Variants in PRRC2B observed in about 807,000 individuals in gnomAD.
PRRC2B encodes the protein protein PRRC2B.
A neutral mutation model predicts 242.3 loss-of-function variants in PRRC2B; 68 were observed. The ratio of observed to expected loss-of-function variants is 0.28; its 90% CI spans 0.23 to 0.34. The LOEUF (loss-of-function observed/expected upper bound fraction) is 0.34, where lower values mean the gene tolerates loss of function less well. Ranked by LOEUF, PRRC2B falls within the 10% of genes least tolerant of loss-of-function variation. The pLI is 1.00. For missense variants in PRRC2B, 2,835 were observed against 2,954.8 expected, an observed-to-expected ratio of 0.96 and a Z score of 0.94; for synonymous variants, 1,228 against 1,173.6, an observed-to-expected ratio of 1.05 and a Z score of -0.95.
chr9:131,488,171 C>T lies in PRRC2B; in HGVS notation c.6225+75C>T, dbSNP rs181811480. On this transcript the variant is annotated intron_variant, in intron 28 of 31. Coordinates refer to ENST00000683519, the MANE Select transcript of PRRC2B (RefSeq NM_013318.4). ...GACCTTGCCTTTTCTTTTCACCCGC[C>T]TCTCAGTGTGTGCTGGCCTATCGTG... 4.7e-3 allele frequency: 7,217 copies of T among 1,520,870 alleles called. 16 individuals are homozygous for T. The highest frequency in any genetic ancestry group is 5.7e-3 in the Non-Finnish European group (6,513 of 1,132,722). 94.2% of individuals were successfully genotyped at this position (1,520,870 alleles called of 1,614,324 possible). A position where few individuals can be genotyped will look rare whatever the true frequency, so the allele number is the denominator to read the frequency against.
rs375395897 is a variant in PRRC2B at position 131,424,624 on chromosome 9, T to C, written c.-51-5470T>C. Among the ~76,000 whole-genome samples the C allele has an allele frequency of 5.3e-5, 8 of 152,114 alleles. No homozygotes were observed. The East Asian group carries it at 1.4e-3, about 26-fold the overall frequency. On this transcript the variant is annotated intron_variant, in intron 1 of 31. Coordinates refer to ENST00000683519, the MANE Select transcript of PRRC2B (RefSeq NM_013318.4). ...TCACTTGAACCTGGGAGGCAGAGGT[T>C]ATAGTGAGCCAAGATTGTGCCACTG...
At chr9:131,394,532 G>T (rs1487014446) in intron 1 of PRRC2B, among the ~76,000 whole-genome samples, 2 of 148,854 alleles carry the variant, frequency 1.3e-5, no homozygotes, top group Non-Finnish European at 3.0e-5. Flanking sequence ...CCTCAGGCTC[G>T]GGCGGGGTCC....
intron 1 of PRRC2B, among the ~76,000 whole-genome samples, chr9:131,380,337 C>T (rs943226943): frequency 3.3e-5 from 5 of 151,838 alleles, no homozygotes; most frequent in Admixed American, 6.6e-5. Flanking sequence ...CAGCACTTTG[C>T]GAGGCCGAGG....
intron 1 of PRRC2B, among the ~76,000 whole-genome samples, chr9:131,381,568 G>A (rs764189014): frequency 6.6e-6 from 1 of 150,574 alleles, no homozygotes; most frequent in Non-Finnish European, 1.5e-5. Context: ...ACAGGAGCTC[G>A]CCACCATGCC....
chr9:131,392,705 G>A (rs1836922491), upstream of PRRC2B, among the ~76,000 whole-genome samples: 1 of 152,044 alleles, frequency 6.6e-6, no homozygotes, highest in Admixed American at 6.6e-5. Flanking sequence ...TTTAGCGCAG[G>A]AGTTCCAGAC....
chr9:131,403,363 T>TA lies in PRRC2B; in HGVS notation c.-52+9100_-52+9101insA, dbSNP rs113749078. Among the ~76,000 whole-genome samples the TA allele has an allele frequency of 6.8e-3, 1,039 of 152,226 alleles. 11 individuals are homozygous for TA. The highest frequency in any genetic ancestry group is 0.022 in the African/African-American group (917 of 41,514). On this transcript the variant is annotated intron_variant, in intron 1 of 31. Transcript: ENST00000683519. The stretch of plus-strand genomic sequence containing the variant: ...AGGTTATTTTATTTATTTATTTATT[T>TA]TTTTTTGAGGTGGAGTCTTGCTCTG...
chr9:131,458,096 G>A (rs562001528), intron 10 of PRRC2B, among the ~76,000 whole-genome samples: 2 of 152,114 alleles, frequency 1.3e-5, no homozygotes, highest in African/African-American at 4.8e-5. Flanking sequence ...CACCCCTGCA[G>A]CTCTGTTTGG....
intron 1 of PRRC2B, among the ~76,000 whole-genome samples, chr9:131,420,418 C>G (rs1249520285): frequency 6.8e-6 from 1 of 146,072 alleles, no homozygotes; most frequent in Non-Finnish European, 1.5e-5. Context: ...TCTTTGAAAG[C>G]CACCTCTGCT....
At chr9:131,401,741 G>A (rs1484256021) in intron 1 of PRRC2B, among the ~76,000 whole-genome samples, 1 of 145,552 alleles carries the variant, frequency 6.9e-6, no homozygotes. Flanking sequence ...GCTCACTGCA[G>A]CCTCTGCTTC....
intron 28 of PRRC2B, among the ~76,000 whole-genome samples, chr9:131,490,066 C>G (rs1257435429): frequency 2.6e-5 from 4 of 152,162 alleles, no homozygotes; most frequent in Non-Finnish European, 5.9e-5. Context: ...ACATCTTTAG[C>G]TCAGATCTGT....
At chr9:131,452,629 A>G (rs199819663) in intron 9 of PRRC2B, among the ~76,000 whole-genome samples, 2 of 120,996 alleles carry the variant, frequency 1.7e-5, no homozygotes, top group Admixed American at 8.6e-5. Flanking sequence ...GAATTGTTTT[A>G]TTAATCTTTA....
At position 131,430,326 on chromosome 9, in the gene PRRC2B, G is replaced by A. The variant is rs561113152; in HGVS notation, c.115+67G>A. 78 of 962,976 alleles carry A rather than the reference G, an allele frequency of 8.1e-5. No homozygotes were observed. In the Middle Eastern group the frequency reaches 1.3e-3, roughly 16 times the overall value. The allele number at this position is 962,976 out of a possible 1,614,324, so 59.7% of individuals were successfully genotyped here. ...GAGTGACATATCCCAGAAACCCAGA[G>A]TCCCTCACCTGGTTAGACAGATGTG... On this transcript the variant is annotated intron_variant, in intron 2 of 31. Coordinates refer to ENST00000683519, the MANE Select transcript of PRRC2B (RefSeq NM_013318.4).
chr9:131,406,293 T>C (rs965334487), intron 1 of PRRC2B, among the ~76,000 whole-genome samples: 4 of 152,208 alleles, frequency 2.6e-5, no homozygotes, highest in African/African-American at 9.6e-5. Flanking sequence ...TCAGGGCTCT[T>C]CTGTACATCT....
chr9:131,489,459 G>A (rs1944122596), intron 28 of PRRC2B, among the ~76,000 whole-genome samples: 1 of 152,078 alleles, frequency 6.6e-6, no homozygotes, highest in African/African-American at 2.4e-5. Context: ...GGGATTACAG[G>A]TGTTAGCCAC....
At chr9:131,423,924 C>T (rs569846900) in intron 1 of PRRC2B, among the ~76,000 whole-genome samples, 104 of 150,200 alleles carry the variant, frequency 6.9e-4, no homozygotes, top group Middle Eastern at 3.4e-3. Context: ...CCACAGTAAG[C>T]CATTTCTTTC....
intron 3 of PRRC2B, among the ~76,000 whole-genome samples, chr9:131,435,364 C>T (rs1838321217): frequency 6.6e-6 from 1 of 151,922 alleles, no homozygotes; most frequent in African/African-American, 2.4e-5. Flanking sequence ...CCTGTAATCC[C>T]AGCACTTTGG....
At chr9:131,420,495 T>TCC (rs1554758641) in intron 1 of PRRC2B, among the ~76,000 whole-genome samples, 10 of 79,860 alleles carry the variant, frequency 1.3e-4, no homozygotes, top group African/African-American at 5.2e-4. Flanking sequence ...CTTTCTTTCT[T>TCC]TTTTTTTTTT....
At chr9:131,466,243 T>G (rs536315742) in intron 12 of PRRC2B, among the ~76,000 whole-genome samples, 1 of 152,370 alleles carries the variant, frequency 6.6e-6, no homozygotes, top group East Asian at 1.9e-4. Flanking sequence ...TTCTAGTTTT[T>G]CTTCTGCCCT....
intron 30 of PRRC2B, 31 bp downstream of exon 30, chr9:131,492,291 T>C (rs1944218507): frequency 3.2e-6 from 5 of 1,568,028 alleles, no homozygotes; most frequent in Non-Finnish European, 3.5e-6. Context: ...CTGCGTGCTG[T>C]GTAGCTGAGC....
Sources: gnomAD v4.1 joint callset for allele counts (sites outside exome capture counted in the v4.1 genomes callset) on GRCh38, gnomAD v4.1.1 for gene constraint, MANE v1.5 for transcripts, NCBI Gene and HGNC (gene_info 2026-07-23, HGNC 2026-07-21) for gene names.